The following AGBL4 variants were observed in gnomAD, a reference collection of about 807,000 sequenced individuals.
AGBL4 encodes AGBL carboxypeptidase 4.
AGBL4 carries 58 observed loss-of-function variants against 66.4 expected under a neutral mutation model. That is an observed-to-expected ratio of 0.87 (90% CI 0.71 to 1.09). AGBL4 has a LOEUF of 1.09. Among genes scored for constraint, AGBL4 ranks in the 50% least tolerant of loss-of-function variants. The pLI, the probability that AGBL4 is intolerant of heterozygous loss-of-function variation, is 0.00. For synonymous variants in AGBL4, 234 were observed against 222.9 expected (o/e 1.05, Z -0.44); for missense variants, 579 against 631.0 (o/e 0.92, Z 0.88).
intron 8 of AGBL4, among the ~76,000 whole-genome samples, chr1:48,649,238 C>T (rs1185416983): frequency 6.6e-6 from 1 of 152,106 alleles, no homozygotes; most frequent in African/African-American, 2.4e-5. Flanking sequence ...GTACAGGGTG[C>T]TATAAAAGAG....
chr1:49,459,540 G>T (rs1646465792), intron 3 of AGBL4, among the ~76,000 whole-genome samples: 1 of 150,818 alleles, frequency 6.6e-6, no homozygotes, highest in South Asian at 2.1e-4. Flanking sequence ...ATTTTTTTTG[G>T]ATCTTCTCTC....
At chr1:48,796,879 C>A (rs1351164570) in intron 6 of AGBL4, among the ~76,000 whole-genome samples, 1 of 152,212 alleles carries the variant, frequency 6.6e-6, no homozygotes, top group East Asian at 1.9e-4. Flanking sequence ...AATATAGCAT[C>A]TTCCACAAGA....
At chr1:48,797,430 C>A (rs1441446941) in intron 6 of AGBL4, among the ~76,000 whole-genome samples, 2 of 152,172 alleles carry the variant, frequency 1.3e-5, no homozygotes, top group Non-Finnish European at 2.9e-5. Context: ...GCTTTTGCAT[C>A]CTCATAGCTT....
intron 3 of AGBL4, among the ~76,000 whole-genome samples, chr1:49,682,338 A>G (rs967874447): frequency 6.6e-6 from 1 of 152,266 alleles, no homozygotes; most frequent in Admixed American, 6.5e-5. Context: ...TGGGAGGTGG[A>G]GGTTGCAGTG....
Position 48,854,733 on chromosome 1 carries a change from T to C in AGBL4, c.634+12458A>G, listed in dbSNP as rs899911776. 3.9e-5 allele frequency among the ~76,000 whole-genome samples: 6 copies of C among 152,312 alleles called. No homozygotes were observed. In the South Asian group the frequency reaches 1.2e-3, roughly 32 times the overall value. ...ATATACTTGTTCAAAGATGGGTTCA[T>C]TATGACTCAATCACAGAATGAGAAG... On this transcript the variant is annotated intron_variant, in intron 6 of 13. Transcript: ENST00000371839.
chr1:49,788,793 T>C (rs940418124), intron 2 of AGBL4, among the ~76,000 whole-genome samples: 2 of 151,866 alleles, frequency 1.3e-5, no homozygotes, highest in Admixed American at 6.6e-5. Context: ...GTAATAAGAG[T>C]TCCAAACAAA....
chr1:49,289,473 T>G (rs922856108), intron 3 of AGBL4, among the ~76,000 whole-genome samples: 2 of 152,192 alleles, frequency 1.3e-5, no homozygotes, highest in African/African-American at 4.8e-5. Context: ...CTATAGTGTT[T>G]GAAGACAGTA....
intron 3 of AGBL4, among the ~76,000 whole-genome samples, chr1:49,663,860 G>A (rs948967043): frequency 4.0e-5 from 6 of 151,862 alleles, no homozygotes; most frequent in Admixed American, 2.0e-4. Context: ...CCAATAAAAT[G>A]GATATGAAAA....
rs1242929192 is a variant in AGBL4 at position 49,832,271 on chromosome 1, T to C, written c.157+19125A>G. On this transcript the variant is annotated intron_variant, in intron 2 of 13. Transcript: ENST00000371839. ...GTTTGGTTTTTTGTTCTTGCGATAG[T>C]TTACTGAGAATGATGATTTCCAATT... is the stretch of plus-strand genomic sequence containing the variant. Among the ~76,000 whole-genome samples the C allele has an allele frequency of 1.7e-4, 25 of 151,374 alleles. No homozygotes were observed. The East Asian group carries it at 4.7e-3, about 28-fold the overall frequency.
chr1:49,886,688 A>T (rs952866282), intron 1 of AGBL4, among the ~76,000 whole-genome samples: 4 of 152,136 alleles, frequency 2.6e-5, no homozygotes, highest in African/African-American at 9.7e-5. Context: ...TGTCATGCAG[A>T]AGCAGAGACC....
intron 3 of AGBL4, among the ~76,000 whole-genome samples, chr1:49,577,265 C>T (rs564737511): frequency 1.4e-4 from 21 of 152,200 alleles, no homozygotes; most frequent in Admixed American, 1.2e-3. Flanking sequence ...ACCACTCAGC[C>T]TCTTTCTCCA....
chr1:48,862,025 A>G (rs2148819095), intron 6 of AGBL4, among the ~76,000 whole-genome samples: 1 of 152,300 alleles, frequency 6.6e-6, no homozygotes, highest in East Asian at 1.9e-4. Context: ...TTACAGGGCA[A>G]ATTTATCTAA....
At chr1:48,832,965 C>T (rs959996335) in intron 6 of AGBL4, among the ~76,000 whole-genome samples, 12 of 152,320 alleles carry the variant, frequency 7.9e-5, no homozygotes, top group Admixed American at 3.3e-4. Flanking sequence ...ACTGGAGCTA[C>T]ATCACCAGCT....
chr1:48,751,770 T>C (rs941151960), intron 6 of AGBL4, among the ~76,000 whole-genome samples: 1 of 152,152 alleles, frequency 6.6e-6, no homozygotes, highest in Non-Finnish European at 1.5e-5. Context: ...TCTAAATACC[T>C]AGGCAGTTGT....
At chr1:48,800,634 T>C (rs1360410861) in intron 6 of AGBL4, among the ~76,000 whole-genome samples, 1 of 152,234 alleles carries the variant, frequency 6.6e-6, no homozygotes, top group East Asian at 1.9e-4. Context: ...TTTAATGCTA[T>C]GAACTTTCCT....
At chr1:48,660,759 C>T (rs1273052074) in intron 7 of AGBL4, among the ~76,000 whole-genome samples, 5 of 152,200 alleles carry the variant, frequency 3.3e-5, no homozygotes, top group African/African-American at 1.2e-4. Context: ...AGCCGTGTGA[C>T]TTTGGGTAAG....
At chr1:49,369,725 A>C (rs1365844474) in intron 3 of AGBL4, among the ~76,000 whole-genome samples, 3 of 152,152 alleles carry the variant, frequency 2.0e-5, no homozygotes, top group Admixed American at 1.3e-4. Context: ...GAGGAAAAAA[A>C]CACTGGAAAG....
chr1:48,813,848 T>G (rs1184597134), intron 6 of AGBL4, among the ~76,000 whole-genome samples: 1 of 151,864 alleles, frequency 6.6e-6, no homozygotes, highest in Non-Finnish European at 1.5e-5. Context: ...TAGCTTTTTT[T>G]TTTTTTCAAA....
intron 11 of AGBL4, among the ~76,000 whole-genome samples, chr1:48,582,706 A>G (rs1016285201): frequency 6.6e-6 from 1 of 152,202 alleles, no homozygotes; most frequent in Non-Finnish European, 1.5e-5. Context: ...TAACCATGCA[A>G]AGTGAGTACT....
Sources: allele counts gnomAD v4.1 joint callset (sites outside exome capture counted in the v4.1 genomes callset), GRCh38; gene constraint gnomAD v4.1.1; transcripts MANE v1.5; gene names NCBI Gene and HGNC (gene_info 2026-07-23, HGNC 2026-07-21).